Variants in PHLDB2 observed in about 807,000 individuals in gnomAD.
The protein encoded by PHLDB2 is pleckstrin homology-like domain family B member 2.
Under a neutral mutation model 123.6 loss-of-function variants are expected in PHLDB2, and 71 were observed. That is an observed-to-expected ratio of 0.57 (90% CI 0.47 to 0.70). The LOEUF (loss-of-function observed/expected upper bound fraction) is 0.70, where lower values mean the gene tolerates loss of function less well. Among genes scored for constraint, PHLDB2 ranks in the 30% least tolerant of loss-of-function variants. The probability of loss-of-function intolerance (pLI) is 0.00; values close to 1 mark genes in which losing one functional copy is unlikely to be tolerated. For synonymous variants in PHLDB2, 547 were observed against 541.6 expected (o/e 1.01, Z -0.14); for missense variants, 1,446 against 1,519.5 (o/e 0.95, Z 0.80).
chr3:111,859,930 G>A (rs1375790516), intron 1 of PHLDB2: 1 of 984,676 alleles, frequency 1.0e-6, no homozygotes, highest in East Asian at 1.1e-4. Flanking sequence ...CAGGCTGTAG[G>A]GACAAAAGCC....
At chr3:111,971,508 G>C (rs546682235) in intron 16 of PHLDB2, among the ~76,000 whole-genome samples, 1 of 152,158 alleles carries the variant, frequency 6.6e-6, no homozygotes, top group South Asian at 2.1e-4. Context: ...TAAAAAAACA[G>C]ACAAAAATTA....
chr3:111,973,919 C>A, intron 17 of PHLDB2, 102 bp downstream of exon 17: 1 of 682,478 alleles, frequency 1.5e-6, no homozygotes, highest in Non-Finnish European at 2.6e-6. Context: ...TCTGATGTAA[C>A]AGATAGATAT....
At chr3:111,956,236 G>GA (rs1415149482) in intron 12 of PHLDB2, among the ~76,000 whole-genome samples, 2 of 152,096 alleles carry the variant, frequency 1.3e-5, no homozygotes, top group African/African-American at 4.8e-5. Context: ...CAAAGAGTAA[G>GA]AAAAACTAGA....
chr3:111,778,117 G>A (rs2060299341), intron 1 of PHLDB2, among the ~76,000 whole-genome samples: 1 of 151,890 alleles, frequency 6.6e-6, no homozygotes, highest in African/African-American at 2.4e-5. Flanking sequence ...TACTGTTATG[G>A]GTTATGTTTC....
At chr3:111,973,090 C>T (rs935076615) in intron 16 of PHLDB2, among the ~76,000 whole-genome samples, 1 of 152,168 alleles carries the variant, frequency 6.6e-6, no homozygotes, top group African/African-American at 2.4e-5. Flanking sequence ...TAGTAGATCA[C>T]AGAGTGGTGC....
intron 1 of PHLDB2, among the ~76,000 whole-genome samples, chr3:111,867,257 AG>A (rs2065133477): frequency 6.6e-6 from 1 of 152,202 alleles, no homozygotes; most frequent in Non-Finnish European, 1.5e-5. Context: ...GCTAGGAGCC[AG>A]TGATATGACC....
intron 3 of PHLDB2, 47 bp downstream of exon 3, chr3:111,913,749 T>C (rs749033290): frequency 1.4e-5 from 21 of 1,493,678 alleles, no homozygotes; most frequent in Non-Finnish European, 1.9e-5. Flanking sequence ...TCTAGGGCTG[T>C]GCATATGCTT....
chr3:111,858,705 A>G (rs1315189172), upstream of PHLDB2, among the ~76,000 whole-genome samples: 1 of 152,124 alleles, frequency 6.6e-6, no homozygotes, highest in South Asian at 2.1e-4. Flanking sequence ...TGTTGCTGGG[A>G]GCTACAACAA....
chr3:111,859,801 A>G (rs988906257), intron 1 of PHLDB2: 2 of 867,872 alleles, frequency 2.3e-6, no homozygotes, highest in East Asian at 2.5e-4. Context: ...GGAGGGAGAC[A>G]GGGTGGGCGG....
At chr3:111,895,047 CTG>C (rs1435775102) in intron 2 of PHLDB2, among the ~76,000 whole-genome samples, 9 of 90,922 alleles carry the variant, frequency 9.9e-5, no homozygotes, top group Non-Finnish European at 2.1e-4. Context: ...CCTCCATTAA[CTG>C]AGAGTGAAAA....
At chr3:111,945,709 C>T (rs773186549) in intron 9 of PHLDB2, among the ~76,000 whole-genome samples, 13 of 151,924 alleles carry the variant, frequency 8.6e-5, no homozygotes, top group Non-Finnish European at 1.8e-4. Context: ...AGTCTCCTTT[C>T]TCCCTCCCCT....
At chr3:111,802,671 G>C (rs1015938470) in intron 1 of PHLDB2, among the ~76,000 whole-genome samples, 2 of 152,188 alleles carry the variant, frequency 1.3e-5, no homozygotes, top group African/African-American at 4.8e-5. Flanking sequence ...ATATGTGAAA[G>C]TTTTCTAAAC....
At chr3:111,891,222 G>A (rs2066469772) in intron 2 of PHLDB2, among the ~76,000 whole-genome samples, 1 of 152,200 alleles carries the variant, frequency 6.6e-6, no homozygotes, top group African/African-American at 2.4e-5. Flanking sequence ...ATGGGCCACA[G>A]ACCAGTAGCG....
intron 1 of PHLDB2, chr3:111,859,805 T>C: frequency 3.1e-6 from 3 of 971,792 alleles, no homozygotes; most frequent in Non-Finnish European, 3.6e-6. Context: ...GGAGACAGGG[T>C]GGGCGGGGGC....
intron 1 of PHLDB2, among the ~76,000 whole-genome samples, chr3:111,810,780 G>T (rs956989312): frequency 6.6e-6 from 1 of 152,138 alleles, no homozygotes; most frequent in African/African-American, 2.4e-5. Context: ...TTAAAAATAT[G>T]TCTTCCAAAT....
intron 2 of PHLDB2, among the ~76,000 whole-genome samples, chr3:111,905,777 A>G (rs2067487428): frequency 6.6e-6 from 1 of 152,202 alleles, no homozygotes; most frequent in African/African-American, 2.4e-5. Context: ...ATATGTTGCA[A>G]CATATTATGT....
At chr3:111,739,477 G>C (rs1219476731) in intron 1 of PHLDB2, among the ~76,000 whole-genome samples, 1 of 151,530 alleles carries the variant, frequency 6.6e-6, no homozygotes, top group Non-Finnish European at 1.5e-5. Context: ...ATGGCAGTGA[G>C]TCAGATGGAA....
chr3:111,818,185 T>TGTGA (rs1348474685), intron 1 of PHLDB2, among the ~76,000 whole-genome samples: 2 of 151,668 alleles, frequency 1.3e-5, no homozygotes, highest in Admixed American at 6.6e-5. Flanking sequence ...TGTGTGTGTG[T>TGTGA]GTGTGTGTGT....
At chr3:111,918,046 A>T (rs1002938023) in intron 3 of PHLDB2, among the ~76,000 whole-genome samples, 4 of 152,228 alleles carry the variant, frequency 2.6e-5, no homozygotes, top group Admixed American at 6.5e-5. Flanking sequence ...TAAATAAATA[A>T]TACATTCATA....
Sources: gnomAD v4.1 joint callset for allele counts (sites outside exome capture counted in the v4.1 genomes callset) on GRCh38, gnomAD v4.1.1 for gene constraint, MANE v1.5 for transcripts, NCBI Gene and HGNC (gene_info 2026-07-23, HGNC 2026-07-21) for gene names.